OTOGL: variants seen among roughly 807,000 people sequenced by gnomAD.
OTOGL encodes otogelin like.
In OTOGL, 285 loss-of-function variants were observed where a neutral mutation model predicts 318.5. That is an observed-to-expected ratio of 0.89 (90% CI 0.81 to 0.99). The LOEUF is 0.99. Ranked by LOEUF, OTOGL falls within the 50% of genes least tolerant of loss-of-function variation. The pLI is 0.00. For missense variants in OTOGL, 2,899 were observed against 2,845.6 expected, an observed-to-expected ratio of 1.02 and a Z score of -0.43; for synonymous variants, 987 against 936.5, an observed-to-expected ratio of 1.05 and a Z score of -0.99.
chr12:80,313,509 G>A lies in OTOGL; in HGVS notation c.3484G>A (p.Glu1162Lys), dbSNP rs374891321. ...TACTTCTTTTGCCAAAAATTGTCAT[G>A]AAGATACATGTAACTGCAATCTTGG... The part of the protein sequence containing the change: ...DVTSFAKNCH[E>K]DTCNCNLGGD... Residue 1162 changes from glutamate (E) to lysine (K), a missense_variant, in exon 31 of 59, where the codon GAA becomes AAA. Around this residue, in one of 3 missense-constraint regions of OTOGL, gnomAD observed 2,607 missense variants for 2,524.9 expected, o/e 1.03. Transcript: ENST00000547103. The A allele has an allele frequency of 5.6e-5, 90 of 1,612,370 alleles. No homozygotes were observed. The highest frequency in any genetic ancestry group is 6.3e-5 in the Non-Finnish European group (74 of 1,178,716).
chr12:80,147,714 A>G (rs1338762816), intron 1 of OTOGL, among the ~76,000 whole-genome samples: 1 of 152,036 alleles, frequency 6.6e-6, no homozygotes, highest in Non-Finnish European at 1.5e-5. Flanking sequence ...GTCACTCAGG[A>G]CCTGCTTTAT....
intron 1 of OTOGL, among the ~76,000 whole-genome samples, chr12:80,189,708 A>G (rs971816927): frequency 1.3e-5 from 2 of 152,218 alleles, no homozygotes; most frequent in Non-Finnish European, 2.9e-5. Context: ...AAATCGAAAT[A>G]TGCAGGCTAA....
intron 57 of OTOGL, among the ~76,000 whole-genome samples, chr12:80,376,316 A>G (rs974789629): frequency 1.3e-5 from 2 of 152,212 alleles, no homozygotes; most frequent in South Asian, 4.1e-4. Context: ...AAATTGGGAT[A>G]TAAGTTCACT....
chr12:80,337,946 A>G (rs1202790271), intron 42 of OTOGL, among the ~76,000 whole-genome samples: 2 of 152,092 alleles, frequency 1.3e-5, no homozygotes, highest in East Asian at 3.8e-4. Flanking sequence ...AGAAGTAAAC[A>G]CAAAGCTGGT....
intron 44 of OTOGL, among the ~76,000 whole-genome samples, chr12:80,349,796 A>G (rs1889428151): frequency 6.6e-6 from 1 of 152,168 alleles, no homozygotes; most frequent in South Asian, 2.1e-4. Context: ...AAAAATATTT[A>G]ATTTTATTTT....
chr12:80,239,475 C>G (rs1307811790), intron 11 of OTOGL, 36 bp downstream of exon 11: 2 of 1,441,860 alleles, frequency 1.4e-6, no homozygotes, highest in Non-Finnish European at 9.4e-7. Flanking sequence ...ATAAAATTTT[C>G]TTTATGCAAA....
chr12:80,237,678 G>A (rs1191548923), intron 9 of OTOGL, among the ~76,000 whole-genome samples: 1 of 152,152 alleles, frequency 6.6e-6, no homozygotes, highest in Non-Finnish European at 1.5e-5. Context: ...CCCAGCTCAT[G>A]CAAAGTCTGC....
Position 80,339,087 on chromosome 12 carries a change from T to A in OTOGL, c.4873T>A (p.Ser1625Thr). 6.2e-7 allele frequency: 1 copy of A among 1,605,520 alleles called. No individual in the cohort carries two copies. Among genetic ancestry groups the A allele is most frequent in the Non-Finnish European group, 8.5e-7 (1 of 1,173,710 alleles). ...NRLARKVEVD[S>T]IVVPLPFSSQ... ...TATGTTATTCTAGGTAGAAGTGGAT[T>A]CCATTGTTGTGCCTTTGCCCTTTTC... Residue 1625 changes from serine (S) to threonine (T), a missense_variant, in exon 43 of 59, where the codon TCC becomes ACC. Physicochemically the swap from Ser to Thr is moderately conservative, Grantham distance 58. This residue lies in a region of OTOGL where 2,607 missense variants were observed against 2,524.9 expected (regional missense o/e 1.03). Transcript: ENST00000547103.
At chr12:80,268,211 A>T (rs1340722742) in intron 22 of OTOGL, among the ~76,000 whole-genome samples, 1 of 152,156 alleles carries the variant, frequency 6.6e-6, no homozygotes, top group Non-Finnish European at 1.5e-5. Context: ...AATAGACAGT[A>T]GATAATAACA....
In OTOGL at chr12:80,339,311, T is replaced by G. The variant is rs778930999; in HGVS notation, c.5050+47T>G. 95 of 1,426,694 alleles carry G rather than the reference T, an allele frequency of 6.7e-5. No homozygotes were observed. The African/African-American group carries it at 1.3e-3, about 19-fold the overall frequency. The allele number at this position is 1,426,694 out of a possible 1,614,324, so 88.4% of individuals were successfully genotyped here. On this transcript the variant is annotated intron_variant, in intron 43 of 58. Coordinates refer to ENST00000547103, the MANE Select transcript of OTOGL (RefSeq NM_001378609.3). ...TTGATTTCGTCTGTTTTTTTTTTTT[T>G]TTTTTTTTTTTTCTATTCACGCTAT... is the stretch of plus-strand genomic sequence containing the variant.
intron 57 of OTOGL, among the ~76,000 whole-genome samples, chr12:80,376,845 TATTTCTG>T (rs1448416907): frequency 1.3e-5 from 2 of 152,118 alleles, no homozygotes; most frequent in African/African-American, 2.4e-5. Context: ...ATGTGTGGAA[TATTTCTG>T]ATTTCTGATT....
intron 44 of OTOGL, among the ~76,000 whole-genome samples, chr12:80,347,150 T>A (rs1009923590): frequency 3.2e-4 from 49 of 152,206 alleles, no homozygotes; most frequent in East Asian, 1.2e-3. Flanking sequence ...CTTTTTTTTT[T>A]AAATTATAAT....
intron 1 of OTOGL, among the ~76,000 whole-genome samples, chr12:80,157,492 A>AT (rs1234308529): frequency 1.3e-5 from 2 of 152,074 alleles, no homozygotes; most frequent in East Asian, 3.9e-4. Context: ...TACTCAAGAC[A>AT]TTTTTGCCGA....
At chr12:80,190,944 A>G (rs909033702) in intron 1 of OTOGL, among the ~76,000 whole-genome samples, 6 of 152,112 alleles carry the variant, frequency 3.9e-5, no homozygotes, top group Admixed American at 2.0e-4. Context: ...TGTTGCAGCT[A>G]ACAGGGAAAG....
At chr12:80,343,245 G>C (rs894467309) in intron 44 of OTOGL, among the ~76,000 whole-genome samples, 1 of 152,062 alleles carries the variant, frequency 6.6e-6, no homozygotes, top group Non-Finnish European at 1.5e-5. Context: ...TGGAGTTCCA[G>C]GCAGAGATAA....
chr12:80,296,348 G>A (rs995811902), intron 26 of OTOGL, among the ~76,000 whole-genome samples: 39 of 152,038 alleles, frequency 2.6e-4, no homozygotes, highest in South Asian at 4.1e-4. Flanking sequence ...TTCAAACCAA[G>A]CTCTCAAATA....
chr12:80,367,503 T>C, intron 53 of OTOGL, 58 bp from the exon 54 acceptor site: 1 of 1,271,130 alleles, frequency 7.9e-7, no homozygotes, highest in South Asian at 1.6e-5. Flanking sequence ...GTTCCAACGA[T>C]GGATTAGTAC....
At chr12:80,337,590 T>C (rs1888494742) in intron 42 of OTOGL, among the ~76,000 whole-genome samples, 1 of 152,012 alleles carries the variant, frequency 6.6e-6, no homozygotes, top group Admixed American at 6.6e-5. Context: ...CAGGAAAAAC[T>C]CTTATCCCAA....
intron 1 of OTOGL, among the ~76,000 whole-genome samples, chr12:80,126,190 T>G (rs541704285): frequency 0.019 from 2,862 of 152,268 alleles, 80 homozygotes; most frequent in African/African-American, 0.063. Flanking sequence ...GCTGTAAATT[T>G]CCCTCTACAC....
Sources: allele counts gnomAD v4.1 joint callset (sites outside exome capture counted in the v4.1 genomes callset), GRCh38; gene constraint gnomAD v4.1.1; regional missense constraint gnomAD v4.1.1; transcripts MANE v1.5; gene names NCBI Gene and HGNC (gene_info 2026-07-23, HGNC 2026-07-21).